The following SHROOM3 variants were observed in gnomAD, a reference collection of about 807,000 sequenced individuals.
The protein encoded by SHROOM3 is protein Shroom3.
SHROOM3 carries 47 observed loss-of-function variants against 138.6 expected under a neutral mutation model. That is an observed-to-expected ratio of 0.34 (90% CI 0.27 to 0.43). The LOEUF (loss-of-function observed/expected upper bound fraction) is 0.43. Ranked by LOEUF, SHROOM3 falls within the 20% of genes least tolerant of loss-of-function variation. The pLI, the probability that SHROOM3 is intolerant of heterozygous loss-of-function variation, is 1.00. For missense variants in SHROOM3, 2,491 were observed against 2,596.5 expected (o/e 0.96, Z 0.88); for synonymous variants, 1,062 against 1,063.3 (o/e 1.00, Z 0.02).
chr4:76,484,072 T>C (rs28602698), intron 1 of SHROOM3, among the ~76,000 whole-genome samples: 7,820 of 152,080 alleles, frequency 0.051, 248 homozygotes, highest in African/African-American at 0.083. Context: ...CAGCAAACCA[T>C]CATGGAACAT....
chr4:76,635,553 A>G (rs1232986503), intron 2 of SHROOM3, among the ~76,000 whole-genome samples: 1 of 152,176 alleles, frequency 6.6e-6, no homozygotes, highest in Non-Finnish European at 1.5e-5. Flanking sequence ...AATTCTAGAA[A>G]TGTGGAACTC....
At chr4:76,588,479 G>A (rs778097596) in intron 2 of SHROOM3, among the ~76,000 whole-genome samples, 4 of 152,106 alleles carry the variant, frequency 2.6e-5, no homozygotes, top group South Asian at 2.1e-4. Flanking sequence ...AGAAAGCCAC[G>A]CAGCCTCCCC....
At chr4:76,492,897 A>T (rs530646459) in intron 1 of SHROOM3, among the ~76,000 whole-genome samples, 1 of 152,030 alleles carries the variant, frequency 6.6e-6, no homozygotes, top group Admixed American at 6.6e-5. Context: ...TTTGGTTTTG[A>T]TCGTGGGATT....
chr4:76,557,480 A>G (rs1471365783), intron 2 of SHROOM3, among the ~76,000 whole-genome samples: 1 of 152,120 alleles, frequency 6.6e-6, no homozygotes, highest in East Asian at 1.9e-4. Flanking sequence ...AAATGGGGAG[A>G]TGTTGGTCAA....
At chr4:76,508,963 A>G (rs1021496202) in intron 1 of SHROOM3, among the ~76,000 whole-genome samples, 1 of 152,134 alleles carries the variant, frequency 6.6e-6, no homozygotes, top group African/African-American at 2.4e-5. Flanking sequence ...AGGACAAAGG[A>G]ATAGAGCCCT....
intron 2 of SHROOM3, among the ~76,000 whole-genome samples, chr4:76,614,091 C>T (rs529959205): frequency 2.6e-5 from 4 of 152,078 alleles, no homozygotes; most frequent in South Asian, 4.2e-4. Context: ...CTCTCTGTTG[C>T]CCAGGCTGGA....
At position 76,781,882 on chromosome 4, in the gene SHROOM3, G is replaced by C. The variant is rs758615666; in HGVS notation, c.*2705G>C. 11 of 152,334 alleles carry C rather than the reference G, an allele frequency of 7.2e-5. No homozygotes were observed. Among genetic ancestry groups the C allele is most frequent in the South Asian group, 4.1e-4 (2 of 4,830 alleles). The allele number at this position is 152,334 out of a possible 1,614,324, so 9.4% of individuals were successfully genotyped here. On this transcript the variant is annotated 3_prime_UTR_variant, in exon 11 of 11. Coordinates refer to ENST00000296043, the MANE Select transcript of SHROOM3 (RefSeq NM_020859.4). ...TTGGTCAGGGTTTCAGAATACGCGT[G>C]ATGTCACTGAGAATGTTTGCTCACA...
At chr4:76,468,705 A>G (rs1731298332) in intron 1 of SHROOM3, among the ~76,000 whole-genome samples, 1 of 151,974 alleles carries the variant, frequency 6.6e-6, no homozygotes, top group African/African-American at 2.4e-5. Context: ...GTTTGTTAAT[A>G]GTGATTCAGT....
intron 1 of SHROOM3, among the ~76,000 whole-genome samples, chr4:76,500,055 C>G (rs1005334628): frequency 6.6e-6 from 1 of 152,186 alleles, no homozygotes; most frequent in African/African-American, 2.4e-5. Context: ...AAAGGCCTCA[C>G]AGCTGGTAAG....
At chr4:76,478,529 G>A (rs967301625) in intron 1 of SHROOM3, among the ~76,000 whole-genome samples, 6 of 152,244 alleles carry the variant, frequency 3.9e-5, no homozygotes, top group African/African-American at 1.4e-4. Context: ...GCACCTGGGG[G>A]AAGGGGCAGC....
At chr4:76,536,999 G>T (rs1324170334) in intron 1 of SHROOM3, among the ~76,000 whole-genome samples, 1 of 152,108 alleles carries the variant, frequency 6.6e-6, no homozygotes, top group African/African-American at 2.4e-5. Context: ...TGTAATCCCA[G>T]CTACTCGGGA....
intron 10 of SHROOM3, among the ~76,000 whole-genome samples, chr4:76,772,465 T>A (rs1040976378): frequency 2.0e-5 from 3 of 152,118 alleles, no homozygotes; most frequent in African/African-American, 7.2e-5. Flanking sequence ...TCCTAATACA[T>A]TGCATTAAAA....
At chr4:76,768,295 C>T (rs1482127286) in intron 9 of SHROOM3, among the ~76,000 whole-genome samples, 1 of 152,180 alleles carries the variant, frequency 6.6e-6, no homozygotes, top group Non-Finnish European at 1.5e-5. Context: ...TCCATATGCG[C>T]TGATATCACA....
chr4:76,441,284 A>G (rs1036291743), intron 1 of SHROOM3, among the ~76,000 whole-genome samples: 6 of 151,854 alleles, frequency 4.0e-5, no homozygotes, highest in African/African-American at 7.3e-5. Flanking sequence ...TAGTAGAGAC[A>G]GGGTTTCGCC....
intron 1 of SHROOM3, among the ~76,000 whole-genome samples, chr4:76,545,310 A>G (rs981624932): frequency 6.6e-6 from 1 of 152,152 alleles, no homozygotes; most frequent in Non-Finnish European, 1.5e-5. Flanking sequence ...TGCTTCAGTG[A>G]AGCTTGATGT....
In SHROOM3 at chr4:76,653,665, G is replaced by A. The variant is rs760075348; in HGVS notation, c.324-56491G>A. ...ACTGCAACCTCCGCCTCCTGGGCTCGAAGGATCCTCCCACCTCAGCCTTCT... is the reference window on the plus strand; with the variant it reads ...ACTGCAACCTCCGCCTCCTGGGCTCAAAGGATCCTCCCACCTCAGCCTTCT... On this transcript the variant is annotated intron_variant, in intron 2 of 10. Transcript: ENST00000296043. 6.9e-4 allele frequency among the ~76,000 whole-genome samples: 105 copies of A among 152,072 alleles called. 2 individuals carry two copies. Among genetic ancestry groups the A allele is most frequent in the African/African-American group, 2.3e-3 (96 of 41,500 alleles).
At chr4:76,489,503 T>C (rs1260093914) in intron 1 of SHROOM3, among the ~76,000 whole-genome samples, 1 of 152,244 alleles carries the variant, frequency 6.6e-6, no homozygotes, top group East Asian at 1.9e-4. Flanking sequence ...ACTTCTTTTT[T>C]CTTTCTGCTT....
At chr4:76,501,708 A>AT (rs1331297859) in intron 1 of SHROOM3, among the ~76,000 whole-genome samples, 17 of 152,188 alleles carry the variant, frequency 1.1e-4, no homozygotes, top group Admixed American at 3.3e-4. Flanking sequence ...TGTCTACGTG[A>AT]TAAAGCCTCC....
intron 10 of SHROOM3, 93 bp downstream of exon 10, chr4:76,770,991 G>C: frequency 6.6e-7 from 1 of 1,512,406 alleles, no homozygotes; most frequent in East Asian, 2.3e-5. Context: ...CTCTCAGGAA[G>C]ATTTGTGGCA....
Sources: gnomAD v4.1 joint callset for allele counts (sites outside exome capture counted in the v4.1 genomes callset) on GRCh38, gnomAD v4.1.1 for gene constraint, MANE v1.5 for transcripts, NCBI Gene and HGNC (gene_info 2026-07-23, HGNC 2026-07-21) for gene names.